Variants in EYS observed in about 807,000 individuals in gnomAD.
The protein encoded by EYS is protein eyes shut homolog.
Under a neutral mutation model 282.1 loss-of-function variants are expected in EYS, and 250 were observed. The observed-to-expected ratio is 0.89, with a 90% CI of 0.80 to 0.98. The LOEUF (loss-of-function observed/expected upper bound fraction) is 0.98, where lower values mean the gene tolerates loss of function less well. Among genes scored for constraint, EYS ranks in the 50% least tolerant of loss-of-function variants. The pLI is 0.00. For missense variants in EYS, 4,016 were observed against 3,709.0 expected (o/e 1.08, Z -2.15); for synonymous variants, 1,355 against 1,282.9 (o/e 1.06, Z -1.20).
At chr6:65,012,229 A>T (rs1013384242) in intron 13 of EYS, among the ~76,000 whole-genome samples, 3 of 152,198 alleles carry the variant, frequency 2.0e-5, no homozygotes, top group African/African-American at 7.2e-5. Context: ...GTATTTAAGA[A>T]ATAGGATTAT....
chr6:65,606,099 A>G (rs995583690), intron 2 of EYS, among the ~76,000 whole-genome samples: 5 of 151,674 alleles, frequency 3.3e-5, no homozygotes, highest in African/African-American at 9.7e-5. Flanking sequence ...ATTTTTAAAA[A>G]CAATATTTAT....
At chr6:64,095,430 G>T (rs1336696546) in intron 31 of EYS, among the ~76,000 whole-genome samples, 3 of 152,044 alleles carry the variant, frequency 2.0e-5, no homozygotes, top group South Asian at 4.2e-4. Flanking sequence ...TTATGAATCT[G>T]GGTGCTCCTG....
chr6:65,460,375 AT>A (rs1478640196), intron 5 of EYS, among the ~76,000 whole-genome samples: 13 of 152,020 alleles, frequency 8.6e-5, no homozygotes, highest in Non-Finnish European at 1.8e-4. Context: ...TCTGTCAAAT[AT>A]CTAAGAAGAT....
intron 12 of EYS, among the ~76,000 whole-genome samples, chr6:65,107,288 G>A (rs1775066834): frequency 7.0e-6 from 1 of 142,386 alleles, no homozygotes; most frequent in Non-Finnish European, 1.5e-5. Flanking sequence ...TCAAGAGTCT[G>A]GGTTGCATTT....
Position 63,953,586 on chromosome 6 carries a change from G to A in EYS, c.7055+30797C>T, listed in dbSNP as rs534756187. Among the ~76,000 whole-genome samples, 5 of 152,222 alleles carry A rather than the reference G, an allele frequency of 3.3e-5. No individual in the cohort carries two copies. The South Asian group carries it at 1.0e-3, about 32-fold the overall frequency. ...ACAACTCCTTTCCTTCCTGGACATG[G>A]TTAGGTACTTCTGCCTTTAAATACA... On this transcript the variant is annotated intron_variant, in intron 35 of 42. Coordinates refer to ENST00000503581, the MANE Select transcript of EYS (RefSeq NM_001142800.2).
intron 12 of EYS, among the ~76,000 whole-genome samples, chr6:65,120,460 CAA>C (rs67505285): frequency 0.26 from 17,376 of 68,062 alleles, 1,542 homozygotes; most frequent in South Asian, 0.32. Context: ...TTTAAATAAG[CAA>C]AAAAAAAAAA....
intron 22 of EYS, among the ~76,000 whole-genome samples, chr6:64,803,037 A>G (rs192515499): frequency 2.0e-5 from 3 of 152,330 alleles, no homozygotes; most frequent in African/African-American, 7.2e-5. Flanking sequence ...CTCCCACTGC[A>G]GGCACCCACA....
At chr6:63,782,913 C>A (rs564309166) in intron 39 of EYS, among the ~76,000 whole-genome samples, 1 of 149,148 alleles carries the variant, frequency 6.7e-6, no homozygotes, top group East Asian at 2.0e-4. Context: ...TGACTAGGTA[C>A]CAAATAAGTA....
intron 35 of EYS, among the ~76,000 whole-genome samples, chr6:63,965,853 G>C (rs545752287): frequency 6.6e-6 from 1 of 152,122 alleles, no homozygotes; most frequent in South Asian, 2.1e-4. Flanking sequence ...TAAATATCAC[G>C]AGTGCCAGTG....
Position 65,209,565 on chromosome 6 carries a change from T to C in EYS, c.2023+86298A>G, listed in dbSNP as rs541674384. Among the ~76,000 whole-genome samples the C allele has an allele frequency of 3.3e-5, 5 of 152,092 alleles. No homozygotes were observed. In the East Asian group the frequency reaches 9.6e-4, roughly 29 times the overall value. On this transcript the variant is annotated intron_variant, in intron 12 of 42. Coordinates refer to ENST00000503581, the MANE Select transcript of EYS (RefSeq NM_001142800.2). ...TGCATTTGTTAATCTGAAAATATTA[T>C]TTAATATGTATTATGTGTCAGGCAC...
intron 26 of EYS, among the ~76,000 whole-genome samples, chr6:64,506,908 TAAAAA>T (rs530521158): frequency 1.0e-5 from 1 of 97,826 alleles, no homozygotes; most frequent in Non-Finnish European, 1.8e-5. Context: ...GGCTGTGTCT[TAAAAA>T]AAAAAAAAAA....
intron 35 of EYS, among the ~76,000 whole-genome samples, chr6:63,952,728 G>T (rs922456138): frequency 1.3e-5 from 2 of 152,020 alleles, no homozygotes; most frequent in Non-Finnish European, 2.9e-5. Flanking sequence ...CCAGTTCAAA[G>T]CCTCCTTCAC....
intron 26 of EYS, among the ~76,000 whole-genome samples, chr6:64,583,029 GAACA>G (rs1766123344): frequency 6.6e-6 from 1 of 152,100 alleles, no homozygotes; most frequent in Non-Finnish European, 1.5e-5. Context: ...AAGTAAGTTA[GAACA>G]AAAGTGACAT....
chr6:65,384,601 T>C, intron 7 of EYS, 101 bp from the exon 8 acceptor site: 8 of 669,338 alleles, frequency 1.2e-5, no homozygotes, highest in South Asian at 1.0e-4. Context: ...GTTTAAATTA[T>C]ATGGTATTAT....
intron 31 of EYS, among the ~76,000 whole-genome samples, chr6:64,129,099 T>G (rs954994839): frequency 3.3e-5 from 5 of 152,212 alleles, no homozygotes; most frequent in African/African-American, 1.2e-4. Flanking sequence ...TATAGATGTT[T>G]TGCACTACAC....
At chr6:65,302,215 G>A (rs1488361687) in intron 11 of EYS, among the ~76,000 whole-genome samples, 1 of 152,218 alleles carries the variant, frequency 6.6e-6, no homozygotes, top group African/African-American at 2.4e-5. Flanking sequence ...CACATGCTGT[G>A]TTTGAATTGT....
At chr6:64,858,935 C>G (rs1583230548) in intron 19 of EYS, among the ~76,000 whole-genome samples, 1 of 152,050 alleles carries the variant, frequency 6.6e-6, no homozygotes, top group Non-Finnish European at 1.5e-5. Context: ...ATAAGCATGT[C>G]CATCCTCACC....
chr6:64,190,109 C>T (rs1020034265), intron 31 of EYS, among the ~76,000 whole-genome samples: 1 of 152,044 alleles, frequency 6.6e-6, no homozygotes, highest in Non-Finnish European at 1.5e-5. Flanking sequence ...GGAGACAGAT[C>T]ATGAATGTGG....
At chr6:64,909,932 A>G (rs1403800870) in intron 16 of EYS, among the ~76,000 whole-genome samples, 3 of 152,184 alleles carry the variant, frequency 2.0e-5, no homozygotes, top group Non-Finnish European at 4.4e-5. Context: ...GTTTTCTAAC[A>G]TACAGTCGCA....
Sources: gnomAD v4.1 joint callset for allele counts (sites outside exome capture counted in the v4.1 genomes callset) on GRCh38, gnomAD v4.1.1 for gene constraint, MANE v1.5 for transcripts, NCBI Gene and HGNC (gene_info 2026-07-23, HGNC 2026-07-21) for gene names.